ABCA12: variants seen among roughly 807,000 people sequenced by gnomAD.
ABCA12 encodes the protein glucosylceramide transporter ABCA12.
ABCA12 carries 156 observed loss-of-function variants against 293.5 expected under a neutral mutation model. The observed-to-expected ratio is 0.53, with a 90% CI of 0.47 to 0.61. The LOEUF (loss-of-function observed/expected upper bound fraction) is 0.61. Among genes scored for constraint, ABCA12 ranks in the 20% least tolerant of loss-of-function variants. ABCA12 has a pLI of 0.00. For synonymous variants in ABCA12, 1,063 were observed against 1,108.0 expected, an observed-to-expected ratio of 0.96 and a Z score of 0.81; for missense variants, 2,797 against 3,090.2, an observed-to-expected ratio of 0.91 and a Z score of 2.25.
At chr2:214,970,021 G>GA (rs144060700) in intron 37 of ABCA12, among the ~76,000 whole-genome samples, 10 of 147,728 alleles carry the variant, frequency 6.8e-5, no homozygotes, top group South Asian at 4.3e-4. Context: ...TGGCTTCAAG[G>GA]AAAAAAAAAA....
At chr2:215,062,795 A>G (rs939064093) in intron 3 of ABCA12, among the ~76,000 whole-genome samples, 3 of 151,990 alleles carry the variant, frequency 2.0e-5, no homozygotes, top group Non-Finnish European at 2.9e-5. Flanking sequence ...TTGACACTCT[A>G]TTAAATCCCT....
At position 215,052,532 on chromosome 2, in the gene ABCA12, A is replaced by G. The variant is rs1477072178; in HGVS notation, c.462T>C (p.Thr154=). 1 of 1,612,826 alleles carries G rather than the reference A, an allele frequency of 6.2e-7. No individual in the cohort carries two copies. ...GTGCGAGCACTTGACTGCCATTGAA[A>G]GTATATGTTCCGGGGATTTCCAAAT... The part of the protein sequence containing the change: ...SSDLEIPGTY[T]FNGSQVLARI... The change falls in exon 5 of 53, where the codon ACT becomes ACC. Residue 154 remains threonine (T), a synonymous_variant. Transcript: ENST00000272895.
At chr2:215,108,872 G>C (rs1421524774) in intron 2 of ABCA12, among the ~76,000 whole-genome samples, 1 of 152,110 alleles carries the variant, frequency 6.6e-6, no homozygotes, top group African/African-American at 2.4e-5. Context: ...TTCCAGACCA[G>C]CCTGGCCAAG....
At chr2:215,112,384 A>G (rs911734625) in intron 1 of ABCA12, among the ~76,000 whole-genome samples, 4 of 122,378 alleles carry the variant, frequency 3.3e-5, no homozygotes, top group African/African-American at 1.3e-4. Context: ...ACGTTCATTT[A>G]TGGTAGGGGC....
chr2:215,019,200 C>T, intron 13 of ABCA12, 136 bp downstream of exon 13: 2 of 725,588 alleles, frequency 2.8e-6, no homozygotes, highest in Non-Finnish European at 4.9e-6. Flanking sequence ...TATTTGAATG[C>T]TTCAGGTTTC....
At position 214,950,382 on chromosome 2, in the gene ABCA12, ATCTGTG is replaced by A. The variant is rs1488401987; in HGVS notation, c.6852+491_6852+496del. Among the ~76,000 whole-genome samples, 439 of 122,896 alleles carry A rather than the reference ATCTGTG, an allele frequency of 3.6e-3. 7 individuals carry two copies. The highest frequency in any genetic ancestry group is 0.027 in the South Asian group (104 of 3,908). The allele number at this position is 122,896 out of a possible 152,430, so 80.6% of individuals were successfully genotyped here. Reference sequence around the variant, plus strand: ...TATATATATGTGTGTGTATATATATATCTGTGTGTGTGTGTGTGTGTGTGTGTGTGT... The same window carrying A: ...TATATATATGTGTGTGTATATATATATGTGTGTGTGTGTGTGTGTGTGTGT... On this transcript the variant is annotated intron_variant, in intron 45 of 52. Transcript: ENST00000272895.
intron 22 of ABCA12, chr2:214,999,769 C>T (rs1026994196): frequency 4.1e-6 from 4 of 983,388 alleles, no homozygotes; most frequent in Non-Finnish European, 4.8e-6. Context: ...CTTGACAGTC[C>T]ACTTGATGGA....
intron 2 of ABCA12, among the ~76,000 whole-genome samples, chr2:215,084,211 C>T (rs1040445715): frequency 6.6e-6 from 1 of 152,104 alleles, no homozygotes; most frequent in East Asian, 1.9e-4. Flanking sequence ...TGGTCCCAAA[C>T]TCCTGGGCTC....
rs759992914 is a variant in ABCA12, at chr2:214,989,657, A to C, written c.3625-36T>G. ...AGGAAACGGCAATGATAGTTCTTGT[A>C]GATTTCATGTATTTCACCCAGAGGT... On this transcript the variant is annotated intron_variant, in intron 24 of 52. Transcript: ENST00000272895. The C allele has an allele frequency of 4.3e-6, 7 of 1,609,464 alleles. No individual in the cohort carries two copies. In the East Asian group the frequency reaches 1.6e-4, roughly 36 times the overall value.
chr2:215,039,486 T>C (rs1701054062), intron 7 of ABCA12, among the ~76,000 whole-genome samples: 1 of 152,342 alleles, frequency 6.6e-6, no homozygotes, highest in Admixed American at 6.5e-5. Flanking sequence ...CCGGGCGCAG[T>C]GGCTCATGCC....
chr2:215,064,434 G>A (rs1451475567), intron 2 of ABCA12, among the ~76,000 whole-genome samples: 8 of 151,890 alleles, frequency 5.3e-5, no homozygotes, highest in African/African-American at 1.2e-4. Context: ...TTGCTAATAC[G>A]TATAAAAACA....
intron 2 of ABCA12, among the ~76,000 whole-genome samples, chr2:215,095,074 T>C (rs1166468629): frequency 6.6e-6 from 1 of 152,080 alleles, no homozygotes; most frequent in African/African-American, 2.4e-5. Flanking sequence ...AACACTTCAC[T>C]ACTATTTTGT....
chr2:214,945,674 A>G (rs1448415475), intron 48 of ABCA12, among the ~76,000 whole-genome samples: 1 of 152,234 alleles, frequency 6.6e-6, no homozygotes, highest in East Asian at 1.9e-4. Flanking sequence ...ATGAAAAATC[A>G]TTCAGACAGA....
intron 2 of ABCA12, among the ~76,000 whole-genome samples, chr2:215,088,910 T>C (rs1196625046): frequency 6.6e-6 from 1 of 152,174 alleles, no homozygotes; most frequent in Non-Finnish European, 1.5e-5. Context: ...ATTGATTCAT[T>C]GATTTAACCA....
rs972400262 is a variant in ABCA12 at position 215,035,606 on chromosome 2, G to A, written c.985+1347C>T. 4.6e-5 allele frequency among the ~76,000 whole-genome samples: 7 copies of A among 150,816 alleles called. No individual in the cohort carries two copies. In the East Asian group the frequency reaches 9.8e-4, roughly 21 times the overall value. Reference sequence around the variant, plus strand: ...CTTGAACCTGGGAAGCGGAGGTTACGGTGAGCCGAGATCGCGCCACTGCAC... The same window carrying A: ...CTTGAACCTGGGAAGCGGAGGTTACAGTGAGCCGAGATCGCGCCACTGCAC... On this transcript the variant is annotated intron_variant, in intron 8 of 52. Coordinates refer to ENST00000272895, the MANE Select transcript of ABCA12 (RefSeq NM_173076.3).
At position 215,053,821 on chromosome 2, in the gene ABCA12, A is replaced by G. The variant is rs567060250; in HGVS notation, c.409+752T>C. Among the ~76,000 whole-genome samples, 6 of 152,214 alleles carry G rather than the reference A, an allele frequency of 3.9e-5. No homozygotes were observed. The South Asian group carries it at 1.2e-3, about 31-fold the overall frequency. ...CCTAAGACAGTGGCTGCTTAGTATT[A>G]GGGACTTAGTAAATATTTGTCAATG... On this transcript the variant is annotated intron_variant, in intron 4 of 52. Coordinates refer to ENST00000272895, the MANE Select transcript of ABCA12 (RefSeq NM_173076.3).
intron 8 of ABCA12, 56 bp from the exon 9 acceptor site, chr2:215,031,952 T>C (rs746640802): frequency 8.1e-6 from 13 of 1,609,098 alleles, no homozygotes; most frequent in Admixed American, 5.0e-5. Context: ...TAAAGATTTT[T>C]TTCCTCAGTG....
At chr2:215,124,031 A>T (rs909977094) in intron 1 of ABCA12, among the ~76,000 whole-genome samples, 1 of 152,188 alleles carries the variant, frequency 6.6e-6, no homozygotes, top group African/African-American at 2.4e-5. Context: ...TTGGTTTTTC[A>T]TTCCTGAGTT....
In ABCA12 at chr2:215,015,540, T is replaced by G; in HGVS notation, c.1906A>C (p.Ile636Leu). 6.2e-7 allele frequency: 1 copy of G among 1,614,152 alleles called. No individual in the cohort carries two copies. Among genetic ancestry groups the G allele is most frequent in the Non-Finnish European group, 8.5e-7 (1 of 1,180,000 alleles). The change falls in exon 15 of 53, where the codon ATC (isoleucine) becomes CTC (leucine). Residue 636 changes from isoleucine (I) to leucine (L), a missense_variant. This residue lies in a region of ABCA12 where 2,130 missense variants were observed against 2,427.0 expected (regional missense o/e 0.88). Transcript: ENST00000272895. The part of the protein sequence containing the change: ...LSERSRQSYL[I>L]GLTLLHYLNI... ...AAGTAGTGCAGAAGGGTGAGTCCGATGAGGTAAGACTGCCGGGATCTCTCT... is the reference window on the plus strand; with the variant it reads ...AAGTAGTGCAGAAGGGTGAGTCCGAGGAGGTAAGACTGCCGGGATCTCTCT...
Sources: gnomAD v4.1 joint callset for allele counts (sites outside exome capture counted in the v4.1 genomes callset) on GRCh38, gnomAD v4.1.1 for gene constraint, gnomAD v4.1.1 regional missense constraint, MANE v1.5 for transcripts, NCBI Gene and HGNC (gene_info 2026-07-23, HGNC 2026-07-21) for gene names.